The following TARBP1 variants were observed in gnomAD, a reference collection of about 807,000 sequenced individuals.
The protein encoded by TARBP1 is tRNA (guanosine(18)-2'-O)-methyltransferase TARBP1.
A neutral mutation model predicts 178.6 loss-of-function variants in TARBP1; 144 were observed. The ratio of observed to expected loss-of-function variants is 0.81; its 90% CI spans 0.70 to 0.93. TARBP1 has a LOEUF of 0.93. TARBP1 is among the 40% of genes least tolerant of loss of function. The probability of loss-of-function intolerance (pLI) is 0.00; values close to 1 mark genes in which losing one functional copy is unlikely to be tolerated. For missense variants in TARBP1, 2,067 were observed against 2,011.7 expected (o/e 1.03, Z -0.53); for synonymous variants, 787 against 781.0 (o/e 1.01, Z -0.13).
At chr1:234,426,609 T>C (rs1663805299) in intron 19 of TARBP1, among the ~76,000 whole-genome samples, 1 of 152,190 alleles carries the variant, frequency 6.6e-6, no homozygotes, top group Non-Finnish European at 1.5e-5. Context: ...TGTCCTAAAC[T>C]CTAAAATTAG....
In TARBP1 at chr1:234,478,261, G is replaced by C; in HGVS notation, c.843C>G (p.Arg281=). 2 of 1,602,108 alleles carry C rather than the reference G, an allele frequency of 1.2e-6. No individual in the cohort carries two copies. The highest frequency in any genetic ancestry group is 1.7e-6 in the Non-Finnish European group (2 of 1,176,072). Reference sequence around the variant, plus strand: ...TCTGCAGCAGGTAGCGCGCTCGCTTGCGCGTCAGGGCGTCCGCCTGGCCCA... The same window carrying C: ...TCTGCAGCAGGTAGCGCGCTCGCTTCCGCGTCAGGGCGTCCGCCTGGCCCA... ...AGLGQADALT[R]KRARYLLQRA... is the part of the protein sequence containing the mutation. The change falls in exon 1 of 30, where the codon CGC becomes CGG. Residue 281 remains arginine, a synonymous_variant. Transcript: ENST00000040877.
At chr1:234,443,311 A>C (rs1343078741) in intron 12 of TARBP1, among the ~76,000 whole-genome samples, 1 of 151,096 alleles carries the variant, frequency 6.6e-6, no homozygotes, top group Non-Finnish European at 1.5e-5. Context: ...AAAAAAAATT[A>C]TGGTTTGGTT....
In TARBP1 at chr1:234,428,550, CT is replaced by C. The variant is rs201444380; in HGVS notation, c.3060+585del. On this transcript the variant is annotated intron_variant, in intron 17 of 29. Coordinates refer to ENST00000040877, the MANE Select transcript of TARBP1 (RefSeq NM_005646.4). The stretch of plus-strand genomic sequence containing the variant: ...CCAGTTTTTCATACAGATTTCCCAA[CT>C]TTTTTTTTTTTTGAGATGGAGTCTT... Among the ~76,000 whole-genome samples the C allele has an allele frequency of 6.5e-3, 946 of 146,458 alleles. 5 individuals are homozygous for C. The highest frequency in any genetic ancestry group is 0.018 in the African/African-American group (733 of 40,094).
In TARBP1 at chr1:234,479,098, C is replaced by T. The variant is rs1669885686; in HGVS notation, c.6G>A (p.Glu2=). Residue 2 remains glutamate, a synonymous_variant, in exon 1 of 30, where the codon GAG becomes GAA. Coordinates refer to ENST00000040877, the MANE Select transcript of TARBP1 (RefSeq NM_005646.4). ...AGAGCAGCGCTTCCGCGAGCACCCA[C>T]TCCATTTGCCGAGCGCCCGCGCCAC... The part of the protein sequence containing the change: M[E]WVLAEALLSQ... 1.3e-6 allele frequency: 2 copies of T among 1,531,442 alleles called. No homozygotes were observed. Among genetic ancestry groups the T allele is most frequent in the South Asian group, 1.2e-5 (1 of 84,324 alleles). The allele number at this position is 1,531,442 out of a possible 1,614,324, so 94.9% of individuals were successfully genotyped here.
rs369861319 is a variant in TARBP1 at position 234,471,183 on chromosome 1, G to A, written c.1099+5C>T. On this transcript the variant is annotated splice_donor_5th_base_variant and intron_variant, in intron 3 of 29. Coordinates refer to ENST00000040877, the MANE Select transcript of TARBP1 (RefSeq NM_005646.4). ...ATTAAAAAATAAAATAAAAGTAATCGTTACCATTTTCCTCTGACACCGCAT... is the reference window on the plus strand; with the variant it reads ...ATTAAAAAATAAAATAAAAGTAATCATTACCATTTTCCTCTGACACCGCAT... 8.8e-6 allele frequency: 14 copies of A among 1,583,698 alleles called. No homozygotes were observed. The highest frequency in any genetic ancestry group is 8.2e-5 in the African/African-American group (6 of 73,284).
chr1:234,469,059 CCTTTTTTTTTTTTT>C (rs1668763457), intron 3 of TARBP1, among the ~76,000 whole-genome samples: 2 of 39,534 alleles, frequency 5.1e-5, no homozygotes, highest in Admixed American at 5.1e-4. Context: ...GCGGTTTTTG[CCTTTTTTTTTTTTT>C]TTTTAAAAAA....
chr1:234,395,773 T>C (rs928261299), intron 26 of TARBP1, among the ~76,000 whole-genome samples: 1 of 152,120 alleles, frequency 6.6e-6, no homozygotes, highest in Non-Finnish European at 1.5e-5. Flanking sequence ...ACTGGGCCCG[T>C]GAAAACCTTC....
chr1:234,458,071 C>T (rs1667468768), intron 8 of TARBP1, among the ~76,000 whole-genome samples: 1 of 151,532 alleles, frequency 6.6e-6, no homozygotes, highest in African/African-American at 2.4e-5. Flanking sequence ...AGGACAGGCG[C>T]GGTGGCTCAC....
chr1:234,439,002 G>A (rs932887419), intron 12 of TARBP1, among the ~76,000 whole-genome samples: 5 of 152,176 alleles, frequency 3.3e-5, no homozygotes, highest in Admixed American at 6.5e-5. Flanking sequence ...GATCTATCAA[G>A]CCAGGATTTT....
intron 1 of TARBP1, among the ~76,000 whole-genome samples, chr1:234,475,005 C>CA: frequency 6.6e-6 from 1 of 152,340 alleles, no homozygotes; most frequent in East Asian, 1.9e-4. Context: ...AAGACATGGT[C>CA]ACCCAAAAAG....
chr1:234,447,253 T>C (rs1174263620), intron 11 of TARBP1, among the ~76,000 whole-genome samples: 2 of 144,376 alleles, frequency 1.4e-5, no homozygotes, highest in Non-Finnish European at 3.0e-5. Flanking sequence ...ATGTGTAAAT[T>C]AAATTAATGA....
At chr1:234,457,906 A>G in intron 8 of TARBP1, 150 bp from the exon 9 acceptor site, 1 of 512,582 alleles carries the variant, frequency 2.0e-6, no homozygotes, top group Non-Finnish European at 3.5e-6. Context: ...TAGCTAAATC[A>G]AAAGAAAGCA....
chr1:234,454,337 T>C (rs1465839560), intron 9 of TARBP1, among the ~76,000 whole-genome samples: 1 of 152,190 alleles, frequency 6.6e-6, no homozygotes, highest in Non-Finnish European at 1.5e-5. Context: ...ATTTCTTAGT[T>C]TTTTTAGGTG....
At chr1:234,474,268 ACACACACACACAC>A (rs1558264709) in intron 1 of TARBP1, among the ~76,000 whole-genome samples, 38 of 151,006 alleles carry the variant, frequency 2.5e-4, no homozygotes, top group Non-Finnish European at 1.2e-4. Flanking sequence ...ACACACACAC[ACACACACACACAC>A]ACACACAAAG....
chr1:234,447,244 T>C lies in TARBP1; in HGVS notation c.1962-269A>G, dbSNP rs1377088356. Among the ~76,000 whole-genome samples, 10 of 150,868 alleles carry C rather than the reference T, an allele frequency of 6.6e-5. No homozygotes were observed. In the Admixed American group the frequency reaches 6.7e-4, roughly 10 times the overall value. On this transcript the variant is annotated intron_variant, in intron 11 of 29. Coordinates refer to ENST00000040877, the MANE Select transcript of TARBP1 (RefSeq NM_005646.4). ...GGAAGGAAATCCTATACCCAATTAA[T>C]GTGTAAATTAAATTAATGACACCCT...
At position 234,429,493 on chromosome 1, in the gene TARBP1, C is replaced by CA. The variant is rs763882560; in HGVS notation, c.2793dup (p.Ala932CysfsTer11). 3.1e-6 allele frequency: 5 copies of CA among 1,614,166 alleles called. No individual in the cohort carries two copies. The highest frequency in any genetic ancestry group is 4.2e-6 in the Non-Finnish European group (5 of 1,180,028). On this transcript the variant is annotated frameshift_variant, in exon 16 of 30. Transcript: ENST00000040877. LOFTEE classifies it high-confidence loss of function. ...GAAAGAACTGTGAGGGCTTCTAGTG[C>CA]AGACTGCAAAGTCCTTATTGGCATC... is the stretch of plus-strand genomic sequence containing the variant.
intron 1 of TARBP1, among the ~76,000 whole-genome samples, chr1:234,474,970 T>C (rs1021688734): frequency 3.3e-5 from 5 of 152,212 alleles, no homozygotes; most frequent in African/African-American, 1.2e-4. Flanking sequence ...AGGCCACTTA[T>C]CTGTTCTACT....
chr1:234,448,482 A>C lies in TARBP1; in HGVS notation c.1959T>G (p.Tyr653Ter). 2 of 1,612,400 alleles carry C rather than the reference A, an allele frequency of 1.2e-6. No individual in the cohort carries two copies. Among genetic ancestry groups the C allele is most frequent in the South Asian group, 2.2e-5 (2 of 91,036 alleles). The part of the protein sequence containing the change: ...AVDVEGMKTQ[Y>*]SGKQRTENVL... ...TTTTCAATTACAGAAACAATTACCTATACTGAGTCTTCATTCCTTCCACAT... is the reference window on the plus strand; with the variant it reads ...TTTTCAATTACAGAAACAATTACCTCTACTGAGTCTTCATTCCTTCCACAT... The change falls in exon 11 of 30, where the codon TAT becomes TAG. Residue 653 changes from tyrosine (Y) to a stop codon, truncating the protein, a stop_gained and splice_region_variant. Transcript: ENST00000040877. LOFTEE classifies it high-confidence loss of function.
intron 5 of TARBP1, among the ~76,000 whole-genome samples, chr1:234,464,868 G>A (rs1166826644): frequency 1.3e-5 from 2 of 152,150 alleles, no homozygotes; most frequent in Non-Finnish European, 2.9e-5. Context: ...AAAAAAATGA[G>A]GCTAAGGTAC....
Sources: gnomAD v4.1 joint callset for allele counts (sites outside exome capture counted in the v4.1 genomes callset) on GRCh38, gnomAD v4.1.1 for gene constraint, MANE v1.5 for transcripts, NCBI Gene and HGNC (gene_info 2026-07-23, HGNC 2026-07-21) for gene names.